ATP6V0E1: variants seen among roughly 807,000 people sequenced by gnomAD.
The protein encoded by ATP6V0E1 is ATPase H+ transporting V0 subunit e1, also known as V-type proton ATPase subunit e 1.
In ATP6V0E1, 4 loss-of-function variants were observed where a neutral mutation model predicts 11.6. That is an observed-to-expected ratio of 0.35 (90% CI 0.17 to 0.79). The LOEUF (loss-of-function observed/expected upper bound fraction) is 0.79. ATP6V0E1 is among the 30% of genes least tolerant of loss of function. The pLI, the probability that ATP6V0E1 is intolerant of heterozygous loss-of-function variation, is 0.54. For synonymous variants in ATP6V0E1, 36 were observed against 34.8 expected, an observed-to-expected ratio of 1.04 and a Z score of -0.13; for missense variants, 105 against 100.0, an observed-to-expected ratio of 1.05 and a Z score of -0.21.
At chr5:173,010,648 C>T (rs1015344318) in intron 2 of ATP6V0E1, among the ~76,000 whole-genome samples, 23 of 152,256 alleles carry the variant, frequency 1.5e-4, no homozygotes, top group South Asian at 2.1e-4. Flanking sequence ...GTTTTAGTGG[C>T]GCTAGGGCAA....
rs1756458195 is a variant in ATP6V0E1 at position 173,020,221 on chromosome 5, T to C, written c.153-17T>C. 1 of 1,596,916 alleles carries C rather than the reference T, an allele frequency of 6.3e-7. No homozygotes were observed. Among genetic ancestry groups the C allele is most frequent in the Non-Finnish European group, 8.6e-7 (1 of 1,164,460 alleles). ...TGATTTCACCGCTTCGTTGTTTCTC[T>C]CCCATCCTTCTTTTAGTTGGCTGAT... On this transcript the variant is annotated splice_polypyrimidine_tract_variant and intron_variant, in intron 2 of 3. Transcript: ENST00000519374.
intron 3 of ATP6V0E1, among the ~76,000 whole-genome samples, chr5:173,022,531 G>A (rs949518382): frequency 9.2e-5 from 14 of 152,150 alleles, no homozygotes; most frequent in Admixed American, 9.2e-4. Flanking sequence ...CTAGGCTGGA[G>A]TACAGTTGCA....
intron 2 of ATP6V0E1, among the ~76,000 whole-genome samples, chr5:173,008,910 CAAAAAAAAAA>C (rs1164495740): frequency 2.4e-5 from 1 of 41,338 alleles, no homozygotes; most frequent in Non-Finnish European, 4.4e-5. Flanking sequence ...GACTCTGTCT[CAAAAAAAAAA>C]AAAAAAAAAA....
chr5:172,994,699 G>A, intron 1 of ATP6V0E1, 76 bp from the exon 2 acceptor site: 4 of 1,190,834 alleles, frequency 3.4e-6, no homozygotes, highest in Non-Finnish European at 4.8e-6. Context: ...ATCTGGAAAG[G>A]GGACTTAAAC....
intron 2 of ATP6V0E1, among the ~76,000 whole-genome samples, chr5:173,012,475 G>A (rs903080683): frequency 7.2e-5 from 11 of 152,046 alleles, no homozygotes; most frequent in Non-Finnish European, 1.6e-4. Flanking sequence ...AAACGAGGCC[G>A]GGCATGGTGG....
At chr5:172,993,049 C>T (rs1477348560) in intron 1 of ATP6V0E1, among the ~76,000 whole-genome samples, 2 of 152,092 alleles carry the variant, frequency 1.3e-5, no homozygotes, top group East Asian at 1.9e-4. Flanking sequence ...CCGCCTGCCT[C>T]GGCCTCCTAA....
intron 2 of ATP6V0E1, among the ~76,000 whole-genome samples, chr5:173,001,247 A>T (rs1756148219): frequency 6.6e-6 from 1 of 152,170 alleles, no homozygotes; most frequent in Non-Finnish European, 1.5e-5. Flanking sequence ...GTCCTCTTTA[A>T]TAAGGAGAAG....
intron 2 of ATP6V0E1, 25 bp from the exon 3 acceptor site, chr5:173,020,213 T>C: frequency 6.4e-7 from 1 of 1,574,352 alleles, no homozygotes; most frequent in Non-Finnish European, 8.7e-7. Flanking sequence ...ACCGCTTCGT[T>C]GTTTCTCTCC....
At chr5:173,030,689 G>A (rs545637602) in intron 3 of ATP6V0E1, among the ~76,000 whole-genome samples, 21 of 151,780 alleles carry the variant, frequency 1.4e-4, no homozygotes, top group African/African-American at 4.6e-4. Flanking sequence ...GATCCGCCCC[G>A]CCTCCCAGAG....
chr5:172,997,077 G>A (rs546490495), intron 2 of ATP6V0E1, among the ~76,000 whole-genome samples: 43 of 151,942 alleles, frequency 2.8e-4, no homozygotes, highest in African/African-American at 9.7e-4. Flanking sequence ...TTAAATTTCA[G>A]TGGTAAAAAC....
At chr5:172,997,840 G>T (rs947944047) in intron 2 of ATP6V0E1, among the ~76,000 whole-genome samples, 1 of 151,924 alleles carries the variant, frequency 6.6e-6, no homozygotes, top group Non-Finnish European at 1.5e-5. Context: ...TTCTAGGCCG[G>T]GCATGGTGGC....
chr5:173,024,336 A>G (rs1466901629), intron 3 of ATP6V0E1, among the ~76,000 whole-genome samples: 1 of 151,516 alleles, frequency 6.6e-6, no homozygotes, highest in African/African-American at 2.4e-5. Context: ...TTTTTTTTAA[A>G]TTTTAAATAA....
intron 3 of ATP6V0E1, among the ~76,000 whole-genome samples, chr5:173,032,793 C>G (rs57329183): frequency 0.021 from 3,248 of 152,154 alleles, 110 homozygotes; most frequent in African/African-American, 0.073. Flanking sequence ...CTTCAGTATT[C>G]TCAGATAAAA....
rs549332457 is a variant in ATP6V0E1 at position 173,035,330 on chromosome 5, A to G, written c.*968A>G. ...GACTAAAGAAGTCAAGAGTGATTAAAAAGCCAGGGGCAGGAGACAGTAATT... is the reference window on the plus strand; with the variant it reads ...GACTAAAGAAGTCAAGAGTGATTAAGAAGCCAGGGGCAGGAGACAGTAATT... On this transcript the variant is annotated 3_prime_UTR_variant, in exon 4 of 4. Transcript: ENST00000519374. 6.6e-6 allele frequency: 1 copy of G among 152,310 alleles called. No homozygotes were observed. The highest frequency in any genetic ancestry group is 2.4e-5 in the African/African-American group (1 of 41,562). The allele number at this position is 152,310 out of a possible 1,614,324, so 9.4% of individuals were successfully genotyped here. A position where few individuals can be genotyped will look rare whatever the true frequency, so the allele number is the denominator to read the frequency against.
Position 173,034,814 on chromosome 5 carries a change from G to C in ATP6V0E1, c.*452G>C, listed in dbSNP as rs15179. On this transcript the variant is annotated 3_prime_UTR_variant, in exon 4 of 4. Coordinates refer to ENST00000519374, the MANE Select transcript of ATP6V0E1 (RefSeq NM_003945.4). ...AGGGAAGAGCCATCTCAACAGAATC[G>C]CACCAAACTATACTTTCAGGATGAA... is the stretch of plus-strand genomic sequence containing the variant. The C allele has an allele frequency of 1.1e-4, 22 of 194,582 alleles. No individual in the cohort carries two copies. Among genetic ancestry groups the C allele is most frequent in the Non-Finnish European group, 1.9e-4 (18 of 95,846 alleles). 12.1% of individuals were successfully genotyped at this position (194,582 alleles called of 1,614,324 possible).
chr5:173,028,991 G>A (rs1756602429), intron 3 of ATP6V0E1, among the ~76,000 whole-genome samples: 1 of 152,240 alleles, frequency 6.6e-6, no homozygotes, highest in African/African-American at 2.4e-5. Context: ...TTGCCTGGTA[G>A]ATGATCTGAT....
chr5:173,024,927 C>T lies in ATP6V0E1; in HGVS notation c.*36+4560C>T, dbSNP rs1415298180. On this transcript the variant is annotated intron_variant, in intron 3 of 3. Transcript: ENST00000519374. ...GCGTGATCTGGGCTCACTGCAACCT[C>T]TGCCTCCTGGGTTCAAGCGATTCTC... Among the ~76,000 whole-genome samples the T allele has an allele frequency of 4.5e-4, 68 of 149,630 alleles. 1 individual carries two copies. Among genetic ancestry groups the T allele is most frequent in the Non-Finnish European group, 4.1e-4 (28 of 67,538 alleles).
chr5:172,983,784 A>C lies in ATP6V0E1; in HGVS notation c.-77A>C. 1 of 1,416,812 alleles carries C rather than the reference A, an allele frequency of 7.1e-7. No homozygotes were observed. Among genetic ancestry groups the C allele is most frequent in the South Asian group, 1.1e-5 (1 of 86,980 alleles). 87.8% of individuals were successfully genotyped at this position (1,416,812 alleles called of 1,614,324 possible). ...GAGGCGGGGCTTGCACACGCTGGTCACGCGGTCAGCTATTGACACTTCCTG... is the reference window on the plus strand; with the variant it reads ...GAGGCGGGGCTTGCACACGCTGGTCCCGCGGTCAGCTATTGACACTTCCTG... On this transcript the variant is annotated 5_prime_UTR_variant, in exon 1 of 4. Coordinates refer to ENST00000519374, the MANE Select transcript of ATP6V0E1 (RefSeq NM_003945.4).
chr5:173,018,317 A>G (rs2113605509), intron 2 of ATP6V0E1, among the ~76,000 whole-genome samples: 1 of 152,310 alleles, frequency 6.6e-6, no homozygotes. Flanking sequence ...GGATGAGCAT[A>G]AAGGTCTTCA....
Sources: gnomAD v4.1 joint callset for allele counts (sites outside exome capture counted in the v4.1 genomes callset) on GRCh38, gnomAD v4.1.1 for gene constraint, MANE v1.5 for transcripts, NCBI Gene and HGNC (gene_info 2026-07-23, HGNC 2026-07-21) for gene names.